NBEAL1: variants seen among roughly 807,000 people sequenced by gnomAD.
NBEAL1 encodes the protein neurobeachin-like protein 1.
NBEAL1 carries 273 observed loss-of-function variants against 351.3 expected under a neutral mutation model. The ratio of observed to expected loss-of-function variants is 0.78; its 90% CI spans 0.70 to 0.86. The LOEUF (loss-of-function observed/expected upper bound fraction) is 0.86. Among genes scored for constraint, NBEAL1 ranks in the 40% least tolerant of loss-of-function variants. The pLI is 0.00. For missense variants in NBEAL1, 2,961 were observed against 3,201.3 expected, an observed-to-expected ratio of 0.92 and a Z score of 1.81; for synonymous variants, 1,050 against 1,086.4, an observed-to-expected ratio of 0.97 and a Z score of 0.66.
Position 203,107,893 on chromosome 2 carries a change from G to A in NBEAL1, c.1654G>A (p.Val552Met). Residue 552 changes from valine (V) to methionine (M), a missense_variant, in exon 14 of 56, where the codon GTG (valine) becomes ATG (methionine). Transcript: ENST00000683969. ...AIHGSLGSQS[V>M]SSEEIRRLLR... is the part of the protein sequence containing the mutation. ...CCATGGTTCCTTGGGGAGTCAGTCA[G>A]TGAGCTCAGAAGAAATCCGTCGACT... 2.6e-6 allele frequency: 4 copies of A among 1,553,914 alleles called. No homozygotes were observed. The highest frequency in any genetic ancestry group is 3.5e-6 in the Non-Finnish European group (4 of 1,147,628).
chr2:203,154,142 A>AGGAGAATGGCATGAACCTGGGAGGC (rs1553620390), intron 35 of NBEAL1, among the ~76,000 whole-genome samples: 3 of 151,332 alleles, frequency 2.0e-5, no homozygotes, highest in African/African-American at 7.3e-5. Context: ...AGGCTGAGGC[A>AGGAGAATGGCATGAACCTGGGAGGC]GGAGAATGGC....
At chr2:203,209,713 A>ATGTGTG (rs56169732) in intron 53 of NBEAL1, among the ~76,000 whole-genome samples, 5,073 of 138,572 alleles carry the variant, frequency 0.037, 241 homozygotes, top group African/African-American at 0.1. Context: ...TTTAATTAAT[A>ATGTGTG]TGTGTGTGTG....
At position 203,219,795 on chromosome 2, in the gene NBEAL1, T is replaced by G. The variant is rs2065935924; in HGVS notation, c.*2441T>G. ...ATCACTTAAACCCGGGAGGTGGAGGTTGCAGTGACCTGAGATCACGCTACT... is the reference window on the plus strand; with the variant it reads ...ATCACTTAAACCCGGGAGGTGGAGGGTGCAGTGACCTGAGATCACGCTACT... On this transcript the variant is annotated 3_prime_UTR_variant, in exon 56 of 56. Coordinates refer to ENST00000683969, the MANE Select transcript of NBEAL1 (RefSeq NM_001378026.1). The G allele has an allele frequency of 6.6e-6, 1 of 151,966 alleles. No individual in the cohort carries two copies. Among genetic ancestry groups the G allele is most frequent in the Non-Finnish European group, 1.5e-5 (1 of 67,998 alleles). 9.4% of individuals were successfully genotyped at this position (151,966 alleles called of 1,614,324 possible).
In NBEAL1 at chr2:203,145,196, G is replaced by A. The variant is rs1486653132; in HGVS notation, c.5304+36G>A. 3 of 1,569,666 alleles carry A rather than the reference G, an allele frequency of 1.9e-6. No homozygotes were observed. In the African/African-American group the frequency reaches 4.1e-5, roughly 21 times the overall value. ...AATGTTTTAATATCTAGTTTTTCTT[G>A]TTGATTTTAGGCATTTAATATTGAT... is the stretch of plus-strand genomic sequence containing the variant. On this transcript the variant is annotated intron_variant, in intron 33 of 55. Coordinates refer to ENST00000683969, the MANE Select transcript of NBEAL1 (RefSeq NM_001378026.1).
chr2:203,126,523 G>T, intron 21 of NBEAL1, 34 bp from the exon 22 acceptor site: 2 of 1,390,782 alleles, frequency 1.4e-6, no homozygotes, highest in South Asian at 1.8e-5. Flanking sequence ...TATTTAAACT[G>T]AACTATATGA....
In NBEAL1 at chr2:203,083,368, CCTT is replaced by C; in HGVS notation, c.837_839del (p.Leu280del). 6.4e-7 allele frequency: 1 copy of C among 1,555,164 alleles called. No individual in the cohort carries two copies. Among genetic ancestry groups the C allele is most frequent in the African/African-American group, 1.4e-5 (1 of 73,708 alleles). On this transcript the variant is annotated inframe_deletion, in exon 9 of 56. Coordinates refer to ENST00000683969, the MANE Select transcript of NBEAL1 (RefSeq NM_001378026.1). ...AGTGCCTTACAGAAGTGGTACATAT[CCTT>C]CTCAGTAGCAACTCTGATCAGCGTC... is the stretch of plus-strand genomic sequence containing the variant.
intron 38 of NBEAL1, among the ~76,000 whole-genome samples, chr2:203,169,388 TAAAAAA>T (rs1208449990): frequency 3.3e-5 from 3 of 89,662 alleles, no homozygotes; most frequent in Non-Finnish European, 6.4e-5. Context: ...TTGAATATAG[TAAAAAA>T]AAAAAAAAAA....
At chr2:203,038,443 C>G (rs1345070907) in intron 2 of NBEAL1, among the ~76,000 whole-genome samples, 4 of 148,964 alleles carry the variant, frequency 2.7e-5, no homozygotes, top group African/African-American at 9.8e-5. Flanking sequence ...TTGCATTTCT[C>G]TGGATAACTA....
intron 12 of NBEAL1, among the ~76,000 whole-genome samples, chr2:203,100,790 C>T (rs1362189680): frequency 3.3e-5 from 5 of 152,190 alleles, no homozygotes; most frequent in Middle Eastern, 3.4e-3. Context: ...GCAGGTGATC[C>T]GCCTGCCTCG....
chr2:203,132,899 A>G (rs1402061183), intron 26 of NBEAL1, among the ~76,000 whole-genome samples, 159 bp from the exon 27 acceptor site: 2 of 152,200 alleles, frequency 1.3e-5, no homozygotes, highest in African/African-American at 2.4e-5. Context: ...GAGGATGTCA[A>G]ACATTCTAAA....
intron 45 of NBEAL1, 68 bp from the exon 46 acceptor site, chr2:203,190,224 C>A: frequency 2.7e-5 from 24 of 889,304 alleles, no homozygotes; most frequent in Non-Finnish European, 3.5e-5. Context: ...GAGCCTGATA[C>A]ATTAATCAGT....
Position 203,180,406 on chromosome 2 carries a change from C to G in NBEAL1, c.6489C>G (p.Phe2163Leu), listed in dbSNP as rs1449152408. 6.2e-7 allele frequency: 1 copy of G among 1,611,518 alleles called. No homozygotes were observed. The highest frequency in any genetic ancestry group is 2.2e-5 in the East Asian group (1 of 44,770). The change falls in exon 43 of 56, where the codon TTC (phenylalanine) becomes TTG (leucine). Residue 2163 changes from phenylalanine (F) to leucine (L), a missense_variant. Physicochemically the swap from Phe to Leu is conservative, Grantham distance 22. Coordinates refer to ENST00000683969, the MANE Select transcript of NBEAL1 (RefSeq NM_001378026.1). ...SGRFDCADRQ[F>L]HSIPATWQAL... ...GGTTTGACTGTGCAGATCGACAGTT[C>G]CATTCTATTCCTGCTACCTGGCAAG...
intron 38 of NBEAL1, among the ~76,000 whole-genome samples, chr2:203,168,423 T>A (rs1184600125): frequency 6.6e-6 from 1 of 151,894 alleles, no homozygotes; most frequent in Non-Finnish European, 1.5e-5. Context: ...CCATCTCTAC[T>A]AATACAAAAA....
At chr2:203,200,289 G>A (rs892692938) in intron 49 of NBEAL1, among the ~76,000 whole-genome samples, 18 of 152,132 alleles carry the variant, frequency 1.2e-4, no homozygotes, top group African/African-American at 1.7e-4. Context: ...GAGGCAGGCG[G>A]ATCACGAGGT....
intron 2 of NBEAL1, among the ~76,000 whole-genome samples, chr2:203,022,514 C>G (rs2060788660): frequency 6.6e-6 from 1 of 152,000 alleles, no homozygotes; most frequent in South Asian, 2.1e-4. Flanking sequence ...AACCTAGTTT[C>G]TTTGTATCTC....
chr2:203,198,253 TC>T (rs1017251406), intron 48 of NBEAL1, among the ~76,000 whole-genome samples: 1 of 151,858 alleles, frequency 6.6e-6, no homozygotes, highest in Non-Finnish European at 1.5e-5. Context: ...GCTCAAGTGA[TC>T]CTCCCACCTG....
At chr2:203,101,310 G>C (rs2062313921) in intron 12 of NBEAL1, among the ~76,000 whole-genome samples, 1 of 152,076 alleles carries the variant, frequency 6.6e-6, no homozygotes, top group Non-Finnish European at 1.5e-5. Flanking sequence ...GATGGCTGTA[G>C]GTGTGCAGCA....
chr2:203,050,089 G>A, intron 4 of NBEAL1, 114 bp downstream of exon 4: 1 of 930,160 alleles, frequency 1.1e-6, no homozygotes. Context: ...TGGGTAGGGT[G>A]CTAGGAGAGG....
intron 31 of NBEAL1, among the ~76,000 whole-genome samples, chr2:203,140,439 A>T (rs2063337326): frequency 6.6e-6 from 1 of 151,878 alleles, no homozygotes; most frequent in South Asian, 2.1e-4. Context: ...TTCAGATGTC[A>T]TGTTTTCGGA....
Sources: allele counts gnomAD v4.1 joint callset (sites outside exome capture counted in the v4.1 genomes callset), GRCh38; gene constraint gnomAD v4.1.1; transcripts MANE v1.5; gene names NCBI Gene and HGNC (gene_info 2026-07-23, HGNC 2026-07-21).